RNMT: variants seen among roughly 807,000 people sequenced by gnomAD.
The protein encoded by RNMT is RNA guanine-7 methyltransferase.
A neutral mutation model predicts 56.0 loss-of-function variants in RNMT; 27 were observed. The ratio of observed to expected loss-of-function variants is 0.48; its 90% confidence interval spans 0.36 to 0.67. The LOEUF is 0.67. Ranked by LOEUF, RNMT falls within the 30% of genes least tolerant of loss-of-function variation. The probability of loss-of-function intolerance (pLI) is 0.00; values close to 1 mark genes in which losing one functional copy is unlikely to be tolerated. For synonymous variants in RNMT, 184 were observed against 176.2 expected (o/e 1.04, Z -0.35); for missense variants, 519 against 552.1 (o/e 0.94, Z 0.60).
At chr18:13,738,681 C>G (rs1057496443) in intron 5 of RNMT, among the ~76,000 whole-genome samples, 1 of 152,190 alleles carries the variant, frequency 6.6e-6, no homozygotes, top group Non-Finnish European at 1.5e-5. Flanking sequence ...CAAAAAATCA[C>G]GTGTTTAATA....
chr18:13,731,639 C>T lies in RNMT; in HGVS notation c.122C>T (p.Thr41Ile), dbSNP rs1203586924. 6.2e-6 allele frequency: 10 copies of T among 1,614,076 alleles called. No individual in the cohort carries two copies. Among genetic ancestry groups the T allele is most frequent in the Non-Finnish European group, 8.5e-6 (10 of 1,180,004 alleles). Residue 41 changes from threonine (T) to isoleucine (I), a missense_variant, in exon 3 of 12, where the codon ACT (threonine) becomes ATT (isoleucine). Thr to Ile is a moderately conservative substitution (Grantham distance 89, BLOSUM62 -1). Transcript: ENST00000383314. ...AATGAAAACACAACAGCTTCTGGGA[C>T]TGGGCTTTCTGAAAAGACTTCTGTC... ...NINENTTASG[T>I]GLSEKTSVCR...
In RNMT at chr18:13,761,843, A is replaced by ACCCCCCCCCCCCCCCCCCCCC; in HGVS notation, c.*1870_*1871insCCCCCCCCCCCCCCCCCCCCC. On this transcript the variant is annotated 3_prime_UTR_variant, in exon 12 of 12. Transcript: ENST00000383314. ...ATCAGTTCTTCCTCCACCACCCTAC[A>ACCCCCCCCCCCCCCCCCCCCC]CCCCCCTCCCCCCGGCCCCAAGCCC... The ACCCCCCCCCCCCCCCCCCCCC allele has an allele frequency of 1.7e-6, 2 of 1,149,694 alleles. No individual in the cohort carries two copies. Among genetic ancestry groups the ACCCCCCCCCCCCCCCCCCCCC allele is most frequent in the Non-Finnish European group, 2.2e-6 (2 of 920,692 alleles). The allele number at this position is 1,149,694 out of a possible 1,614,324, so 71.2% of individuals were successfully genotyped here. A position where few individuals can be genotyped will look rare whatever the true frequency, so the allele number is the denominator to read the frequency against.
intron 9 of RNMT, among the ~76,000 whole-genome samples, chr18:13,750,444 T>C (rs114917548): frequency 0.014 from 2,089 of 152,220 alleles, 43 homozygotes; most frequent in African/African-American, 0.047. Context: ...GCTAAATGGT[T>C]CTTGGTGGTG....
At chr18:13,732,011 G>A in intron 3 of RNMT, 77 bp downstream of exon 3, 1 of 1,158,504 alleles carries the variant, frequency 8.6e-7, no homozygotes, top group Non-Finnish European at 1.2e-6. Context: ...GATTCATACT[G>A]GTTTTTACAT....
At chr18:13,737,948 A>C (rs1460650367) in intron 5 of RNMT, among the ~76,000 whole-genome samples, 1 of 151,852 alleles carries the variant, frequency 6.6e-6, no homozygotes, top group Non-Finnish European at 1.5e-5. Flanking sequence ...TCTAGGCAAT[A>C]ATTTTTTTTT....
rs1001736450 is a variant in RNMT, at chr18:13,762,082, C to T, written c.*2103C>T. ...TGAGGGAGGCATGGCTTTCCACCGT[C>T]GGGCCAGGAAGAGCACCTGTTGCTG... On this transcript the variant is annotated 3_prime_UTR_variant, in exon 12 of 12. Transcript: ENST00000383314. 18 of 1,535,960 alleles carry T rather than the reference C, an allele frequency of 1.2e-5. No individual in the cohort carries two copies. Among genetic ancestry groups the T allele is most frequent in the East Asian group, 7.3e-5 (3 of 40,926 alleles).
chr18:13,742,366 A>G lies in RNMT; in HGVS notation c.975-122A>G, dbSNP rs4239313. ...AAAAAAAAAAAAAGGTAGCCCAGAT[A>G]TAATTAAAAGGCTAATCAAGTGTGC... is the stretch of plus-strand genomic sequence containing the variant. On this transcript the variant is annotated intron_variant, in intron 7 of 11. Transcript: ENST00000383314. 9 of 778,174 alleles carry G rather than the reference A, an allele frequency of 1.2e-5. No homozygotes were observed. The South Asian group carries it at 1.5e-4, about 13-fold the overall frequency. The allele number at this position is 778,174 out of a possible 1,614,324, so 48.2% of individuals were successfully genotyped here.
chr18:13,741,557 C>T lies in RNMT; in HGVS notation c.840C>T (p.Ile280=). 6.2e-7 allele frequency: 1 copy of T among 1,613,720 alleles called. No homozygotes were observed. Among genetic ancestry groups the T allele is most frequent in the Non-Finnish European group, 8.5e-7 (1 of 1,179,824 alleles). The change falls in exon 7 of 12, where the codon ATC becomes ATT. Residue 280 remains isoleucine, a synonymous_variant. Transcript: ENST00000383314. ...KFRDPQMCFD[I]CSCQFVCHYS... is the part of the protein sequence containing the mutation. Reference sequence around the variant, plus strand: ...GTGACCCACAAATGTGTTTTGACATCTGCAGTTGTCAGTTTGTCTGTCATT... The same window carrying T: ...GTGACCCACAAATGTGTTTTGACATTTGCAGTTGTCAGTTTGTCTGTCATT...
At position 13,761,823 on chromosome 18, in the gene RNMT, T is replaced by G; in HGVS notation, c.*1844T>G. The G allele has an allele frequency of 7.5e-7, 1 of 1,341,734 alleles. No individual in the cohort carries two copies. The highest frequency in any genetic ancestry group is 9.6e-7 in the Non-Finnish European group (1 of 1,045,364). 83.1% of individuals were successfully genotyped at this position (1,341,734 alleles called of 1,614,324 possible). A position where few individuals can be genotyped will look rare whatever the true frequency, so the allele number is the denominator to read the frequency against. ...CTTTGCCTGTCTCTTGCCTTATCAG[T>G]TCTTCCTCCACCACCCTACACCCCC... On this transcript the variant is annotated 3_prime_UTR_variant, in exon 12 of 12. Transcript: ENST00000383314.
At chr18:13,732,814 C>T (rs900176946) in intron 3 of RNMT, among the ~76,000 whole-genome samples, 11 of 132,232 alleles carry the variant, frequency 8.3e-5, no homozygotes, top group Admixed American at 1.7e-4. Context: ...GGTGTAAACT[C>T]GGCTCACTGC....
At position 13,741,631 on chromosome 18, in the gene RNMT, G is replaced by A. The variant is rs766060545; in HGVS notation, c.914G>A (p.Cys305Tyr). 2.5e-6 allele frequency: 4 copies of A among 1,614,030 alleles called. No individual in the cohort carries two copies. ...EQADMMLRNA[C>Y]ERLSPGGYFI... Reference sequence around the variant, plus strand: ...GCTGACATGATGCTGAGAAATGCGTGTGAGAGACTTAGCCCTGGGGGCTAT... The same window carrying A: ...GCTGACATGATGCTGAGAAATGCGTATGAGAGACTTAGCCCTGGGGGCTAT... The change falls in exon 7 of 12, where the codon TGT becomes TAT. Residue 305 changes from cysteine (C) to tyrosine (Y), a missense_variant. Transcript: ENST00000383314.
chr18:13,731,994 A>G, intron 3 of RNMT, 60 bp downstream of exon 3: 1 of 1,344,558 alleles, frequency 7.4e-7, no homozygotes, highest in East Asian at 2.3e-5. Context: ...AATGTGGAAC[A>G]CCCGTGGATT....
Position 13,760,054 on chromosome 18 carries a change from A to C in RNMT, c.*75A>C. ...TGAACAACTCATCTCGATATATTTG[A>C]TATTTCTCTGTCTGTTGATTTTAAT... On this transcript the variant is annotated 3_prime_UTR_variant, in exon 12 of 12. Transcript: ENST00000383314. 3.2e-6 allele frequency: 5 copies of C among 1,561,308 alleles called. No individual in the cohort carries two copies. The highest frequency in any genetic ancestry group is 3.5e-6 in the Non-Finnish European group (4 of 1,151,506).
chr18:13,746,917 G>A (rs1216284080), intron 9 of RNMT, among the ~76,000 whole-genome samples: 1 of 151,798 alleles, frequency 6.6e-6, no homozygotes, highest in African/African-American at 2.4e-5. Context: ...TTTAGACTGT[G>A]TTGTTGCTGA....
At chr18:13,750,343 T>C (rs2044420116) in intron 9 of RNMT, among the ~76,000 whole-genome samples, 1 of 152,226 alleles carries the variant, frequency 6.6e-6, no homozygotes, top group African/African-American at 2.4e-5. Context: ...TTGCCATCAT[T>C]TTAATATTTA....
Position 13,762,308 on chromosome 18 carries a change from A to T in RNMT, c.*2329A>T. On this transcript the variant is annotated 3_prime_UTR_variant, in exon 12 of 12. Coordinates refer to ENST00000383314, the MANE Select transcript of RNMT (RefSeq NM_003799.3). The stretch of plus-strand genomic sequence containing the variant: ...CTTTGGGCCTAGAATATACTTGAGA[A>T]AGCACTAGTGGCTTGTGTTCAGGGA... The T allele has an allele frequency of 1.1e-6, 1 of 919,588 alleles. No homozygotes were observed. Among genetic ancestry groups the T allele is most frequent in the Non-Finnish European group, 1.6e-6 (1 of 630,130 alleles). 57.0% of individuals were successfully genotyped at this position (919,588 alleles called of 1,614,324 possible). A position where few individuals can be genotyped will look rare whatever the true frequency, so the allele number is the denominator to read the frequency against.
intron 5 of RNMT, among the ~76,000 whole-genome samples, chr18:13,738,748 G>A (rs1224162327): frequency 1.3e-5 from 2 of 152,188 alleles, no homozygotes; most frequent in Non-Finnish European, 2.9e-5. Flanking sequence ...ATCAATACGA[G>A]TTTTTCAGGG....
chr18:13,764,219 G>T lies in RNMT; in HGVS notation c.*4240G>T, dbSNP rs1328454658. On this transcript the variant is annotated 3_prime_UTR_variant, in exon 12 of 12. Coordinates refer to ENST00000383314, the MANE Select transcript of RNMT (RefSeq NM_003799.3). ...TATCCAGACAGAGGCAAATCATTTT[G>T]TTTAACTTTTTATTAAAGTGTAACT... The T allele has an allele frequency of 6.6e-6, 1 of 152,098 alleles. No homozygotes were observed. Among genetic ancestry groups the T allele is most frequent in the Non-Finnish European group, 1.5e-5 (1 of 68,008 alleles). The allele number at this position is 152,098 out of a possible 1,614,324, so 9.4% of individuals were successfully genotyped here. A position where few individuals can be genotyped will look rare whatever the true frequency, so the allele number is the denominator to read the frequency against.
At position 13,760,564 on chromosome 18, in the gene RNMT, A is replaced by T; in HGVS notation, c.*585A>T. ...TTTGAAATAATCATTAACATGCTGC[A>T]ATTCAGGAGCTGGTTAGAACATTTT... On this transcript the variant is annotated 3_prime_UTR_variant, in exon 12 of 12. Coordinates refer to ENST00000383314, the MANE Select transcript of RNMT (RefSeq NM_003799.3). 1.0e-6 allele frequency: 1 copy of T among 985,758 alleles called. No homozygotes were observed. Among genetic ancestry groups the T allele is most frequent in the Non-Finnish European group, 1.2e-6 (1 of 829,930 alleles). The allele number at this position is 985,758 out of a possible 1,614,324, so 61.1% of individuals were successfully genotyped here.
Sources: gnomAD v4.1 joint callset for allele counts (sites outside exome capture counted in the v4.1 genomes callset) on GRCh38, gnomAD v4.1.1 for gene constraint, MANE v1.5 for transcripts, NCBI Gene and HGNC (gene_info 2026-07-23, HGNC 2026-07-21) for gene names.